The following CA6 variants were observed in gnomAD, a reference collection of about 807,000 sequenced individuals.
The protein encoded by CA6 is carbonate dehydratase VI.
Under a neutral mutation model 35.9 loss-of-function variants are expected in CA6, and 28 were observed. The ratio of observed to expected loss-of-function variants is 0.78; its 90% CI spans 0.58 to 1.07. CA6 has a LOEUF of 1.07. Among genes scored for constraint, CA6 ranks in the 50% least tolerant of loss-of-function variants. The pLI, the probability that CA6 is intolerant of heterozygous loss-of-function variation, is 0.00. For synonymous variants in CA6, 148 were observed against 152.6 expected, an observed-to-expected ratio of 0.97 and a Z score of 0.22; for missense variants, 377 against 382.0, an observed-to-expected ratio of 0.99 and a Z score of 0.11.
chr1:8,974,655 T>C lies in CA6; in HGVS notation c.878T>C (p.Leu293Pro). 1 of 1,605,676 alleles carries C rather than the reference T, an allele frequency of 6.2e-7. No homozygotes were observed. Among genetic ancestry groups the C allele is most frequent in the Non-Finnish European group, 8.5e-7 (1 of 1,175,742 alleles). ...CTAGGCTCTGAATTCCAGTTTTACC[T>C]ACATAAGATTGAGGAAATTCTTGAC... is the stretch of plus-strand genomic sequence containing the variant. ...YTLGSEFQFY[L>P]HKIEEILDYL... The change falls in exon 8 of 8, where the codon CTA becomes CCA. Residue 293 changes from leucine (L) to proline (P), a missense_variant. Coordinates refer to ENST00000377443, the MANE Select transcript of CA6 (RefSeq NM_001215.4).
chr1:8,951,795 G>C, intron 2 of CA6: 1 of 585,536 alleles, frequency 1.7e-6, no homozygotes, highest in Non-Finnish European at 3.0e-6. Context: ...TGGACCCAAA[G>C]TTCACATTAA....
At position 8,964,039 on chromosome 1, in the gene CA6, G is replaced by A. The variant is rs12067452; in HGVS notation, c.571+1383G>A. Among the ~76,000 whole-genome samples, 782 of 152,270 alleles carry A rather than the reference G, an allele frequency of 5.1e-3. 4 individuals carry two copies. Among genetic ancestry groups the A allele is most frequent in the African/African-American group, 0.018 (747 of 41,542 alleles). ...CTCCCACTCCATTGAGAAGACAGAA[G>A]CCACAGGCCAGAAACACTCCGCTCC... On this transcript the variant is annotated intron_variant, in intron 5 of 7. Coordinates refer to ENST00000377443, the MANE Select transcript of CA6 (RefSeq NM_001215.4).
intron 5 of CA6, among the ~76,000 whole-genome samples, chr1:8,965,505 CT>C (rs201895236): frequency 6.6e-6 from 1 of 151,164 alleles, no homozygotes; most frequent in South Asian, 2.1e-4. Context: ...CAGTATTTGT[CT>C]TTTTTTTTGG....
In CA6 at chr1:8,960,814, G is replaced by A. The variant is rs1278016640; in HGVS notation, c.502-1773G>A. On this transcript the variant is annotated intron_variant, in intron 4 of 7. Coordinates refer to ENST00000377443, the MANE Select transcript of CA6 (RefSeq NM_001215.4). ...CATATATATAATGGGAGTCCCAGAA[G>A]GAAAGGAGAGAGAGAAAGTGGAAGA... Among the ~76,000 whole-genome samples, 5 of 125,424 alleles carry A rather than the reference G, an allele frequency of 4.0e-5. No individual in the cohort carries two copies. The East Asian group carries it at 1.1e-3, about 28-fold the overall frequency. The allele number at this position is 125,424 out of a possible 152,430, so 82.3% of individuals were successfully genotyped here.
chr1:8,965,233 A>G (rs12748400), intron 5 of CA6, among the ~76,000 whole-genome samples: 44,708 of 151,914 alleles, frequency 0.29, 7,065 homozygotes, highest in East Asian at 0.56. Flanking sequence ...GACAGAGCGC[A>G]ACAACATCTC....
chr1:8,946,801 T>G (rs962639337), intron 1 of CA6, among the ~76,000 whole-genome samples: 1 of 123,538 alleles, frequency 8.1e-6, no homozygotes, highest in African/African-American at 3.3e-5. Context: ...GTGTTTTTTT[T>G]TTTGTTTTTT....
rs757110971 is a variant in CA6 at position 8,971,023 on chromosome 1, C to T, written c.844+42C>T. On this transcript the variant is annotated intron_variant, in intron 7 of 7. Coordinates refer to ENST00000377443, the MANE Select transcript of CA6 (RefSeq NM_001215.4). ...CTTGATCATGCTCTGCAGTTTAACTCCTGTTTTGCTCCTTCCTCTAGGTGG... is the reference window on the plus strand; with the variant it reads ...CTTGATCATGCTCTGCAGTTTAACTTCTGTTTTGCTCCTTCCTCTAGGTGG... 4 of 1,304,658 alleles carry T rather than the reference C, an allele frequency of 3.1e-6. No homozygotes were observed. The African/African-American group carries it at 5.8e-5, about 19-fold the overall frequency. The allele number at this position is 1,304,658 out of a possible 1,614,324, so 80.8% of individuals were successfully genotyped here.
At chr1:8,956,422 G>A (rs979246679) in intron 2 of CA6, among the ~76,000 whole-genome samples, 1 of 152,118 alleles carries the variant, frequency 6.6e-6, no homozygotes, top group African/African-American at 2.4e-5. Context: ...CACTTTGGGA[G>A]GCTGAGGCAG....
intron 1 of CA6, among the ~76,000 whole-genome samples, chr1:8,948,071 C>T (rs890581234): frequency 6.6e-6 from 1 of 152,046 alleles, no homozygotes; most frequent in Non-Finnish European, 1.5e-5. Context: ...GGGTCTCGAG[C>T]TCCCAACCTT....
chr1:8,950,566 G>A (rs1639505141), intron 2 of CA6, among the ~76,000 whole-genome samples: 2 of 151,932 alleles, frequency 1.3e-5, no homozygotes, highest in South Asian at 2.1e-4. Flanking sequence ...GCCACACAGC[G>A]ATAGGACAGT....
At chr1:8,974,268 G>A in intron 7 of CA6, 1 of 918,698 alleles carries the variant, frequency 1.1e-6, no homozygotes, top group South Asian at 1.9e-5. Flanking sequence ...AGAAACCAAG[G>A]TCAGTTACAA....
intron 1 of CA6, among the ~76,000 whole-genome samples, chr1:8,948,862 C>T (rs1403788058): frequency 1.3e-5 from 2 of 151,744 alleles, no homozygotes; most frequent in South Asian, 2.1e-4. Context: ...CCCAGCTACT[C>T]CGGAGGCTGA....
In CA6 at chr1:8,974,883, C is replaced by G. The variant is rs959099062; in HGVS notation, c.*179C>G. 2.0e-6 allele frequency: 1 copy of G among 494,746 alleles called. No homozygotes were observed. Among genetic ancestry groups the G allele is most frequent in the Non-Finnish European group, 3.5e-6 (1 of 283,200 alleles). 30.6% of individuals were successfully genotyped at this position (494,746 alleles called of 1,614,324 possible). ...AAAGAGGGGAAACGATCATCCTGGA[C>G]AGGAAGTGAGATGGCTTCAGTTCAT... On this transcript the variant is annotated 3_prime_UTR_variant, in exon 8 of 8. Coordinates refer to ENST00000377443, the MANE Select transcript of CA6 (RefSeq NM_001215.4).
At position 8,974,993 on chromosome 1, in the gene CA6, T is replaced by A. The variant is rs1640230977; in HGVS notation, c.*289T>A. Reference sequence around the variant, plus strand: ...AAATGGAACCCTAACTATTCTCCCATCAAATCATATATGTTGACCTGTCTG... The same window carrying A: ...AAATGGAACCCTAACTATTCTCCCAACAAATCATATATGTTGACCTGTCTG... On this transcript the variant is annotated 3_prime_UTR_variant, in exon 8 of 8. Coordinates refer to ENST00000377443, the MANE Select transcript of CA6 (RefSeq NM_001215.4). 3.6e-6 allele frequency: 1 copy of A among 277,578 alleles called. No homozygotes were observed. Among genetic ancestry groups the A allele is most frequent in the Non-Finnish European group, 6.6e-6 (1 of 150,800 alleles). 17.2% of individuals were successfully genotyped at this position (277,578 alleles called of 1,614,324 possible). A position where few individuals can be genotyped will look rare whatever the true frequency, so the allele number is the denominator to read the frequency against.
intron 4 of CA6, 27 bp from the exon 5 acceptor site, chr1:8,962,560 C>T (rs766487770): frequency 3.9e-5 from 62 of 1,591,166 alleles, no homozygotes; most frequent in Middle Eastern, 3.3e-4. Flanking sequence ...TCTTCACTTA[C>T]GCTCAGTGCT....
At chr1:8,971,563 G>A (rs931829903) in intron 7 of CA6, among the ~76,000 whole-genome samples, 3 of 151,708 alleles carry the variant, frequency 2.0e-5, no homozygotes, top group Non-Finnish European at 4.4e-5. Flanking sequence ...TGCCCACCTC[G>A]GCCTCCCAAA....
At chr1:8,974,530 G>A (rs1027213548) in intron 7 of CA6, 92 bp from the exon 8 acceptor site, 96 of 1,421,454 alleles carry the variant, frequency 6.8e-5, no homozygotes, top group East Asian at 9.6e-5. Context: ...CCAAAAATAC[G>A]ATGCGGGTAT....
chr1:8,957,652 T>C (rs1238842659), intron 3 of CA6, among the ~76,000 whole-genome samples: 1 of 151,884 alleles, frequency 6.6e-6, no homozygotes, highest in African/African-American at 2.4e-5. Context: ...TCACTTTTCT[T>C]ATTAAAATAG....
intron 2 of CA6, among the ~76,000 whole-genome samples, chr1:8,956,394 T>G (rs1639684730): frequency 6.6e-6 from 1 of 151,628 alleles, no homozygotes; most frequent in African/African-American, 2.4e-5. Context: ...GCGTGGTGGC[T>G]CATGCCTGTA....
Sources: allele counts gnomAD v4.1 joint callset (sites outside exome capture counted in the v4.1 genomes callset), GRCh38; gene constraint gnomAD v4.1.1; transcripts MANE v1.5; gene names NCBI Gene and HGNC (gene_info 2026-07-23, HGNC 2026-07-21).